The following GFRAL variants were observed in gnomAD, a reference collection of about 807,000 sequenced individuals.
GFRAL encodes the protein GDNF family receptor alpha like.
GFRAL carries 36 observed loss-of-function variants against 45.4 expected under a neutral mutation model. That is an observed-to-expected ratio of 0.79 (90% CI 0.61 to 1.05). The LOEUF is 1.05. Among genes scored for constraint, GFRAL ranks in the 50% least tolerant of loss-of-function variants. The probability of loss-of-function intolerance (pLI) is 0.00; values close to 1 mark genes in which losing one functional copy is unlikely to be tolerated. For missense variants in GFRAL, 507 were observed against 467.5 expected (o/e 1.08, Z -0.78); for synonymous variants, 166 against 154.1 (o/e 1.08, Z -0.57).
chr6:55,368,381 G>T (rs1257917780), intron 6 of GFRAL, among the ~76,000 whole-genome samples: 2 of 150,960 alleles, frequency 1.3e-5, no homozygotes, highest in African/African-American at 2.4e-5. Flanking sequence ...TTTGCCTTTG[G>T]TTTGAATGTC....
In GFRAL at chr6:55,369,253, T is replaced by C. The variant is rs867081076; in HGVS notation, c.952+10115T>C. Among the ~76,000 whole-genome samples the C allele has an allele frequency of 2.0e-5, 3 of 152,348 alleles. No individual in the cohort carries two copies. In the South Asian group the frequency reaches 6.2e-4, roughly 32 times the overall value. ...TCTTTGACTCAGAAAGGGAACTCCC[T>C]GACCCCTTGCGCTTCCCAAGTGAGG... On this transcript the variant is annotated intron_variant, in intron 6 of 8. Transcript: ENST00000340465.
At chr6:55,338,205 C>T (rs114414079) in intron 3 of GFRAL, among the ~76,000 whole-genome samples, 1,989 of 152,128 alleles carry the variant, frequency 0.013, 23 homozygotes, top group Non-Finnish European at 0.022. Flanking sequence ...ATTCCTCTGC[C>T]TCAGCCCCTG....
At chr6:55,393,115 A>G (rs1009936102) in intron 6 of GFRAL, among the ~76,000 whole-genome samples, 2 of 150,804 alleles carry the variant, frequency 1.3e-5, no homozygotes, top group African/African-American at 4.8e-5. Flanking sequence ...AAGATCCTCA[A>G]TGAACATCTT....
chr6:55,373,308 T>A (rs1768478071), intron 6 of GFRAL, among the ~76,000 whole-genome samples: 1 of 152,086 alleles, frequency 6.6e-6, no homozygotes, highest in Non-Finnish European at 1.5e-5. Context: ...ATATCTGAAA[T>A]AGGTTTGGCG....
chr6:55,387,806 T>C (rs1768698801), intron 6 of GFRAL, among the ~76,000 whole-genome samples: 2 of 152,168 alleles, frequency 1.3e-5, no homozygotes, highest in Admixed American at 6.6e-5. Flanking sequence ...AGGCTAAAAG[T>C]TGCAAGAATG....
chr6:55,399,556 A>C, intron 8 of GFRAL, 115 bp downstream of exon 8: 1 of 730,094 alleles, frequency 1.4e-6, no homozygotes, highest in South Asian at 1.7e-5. Flanking sequence ...CTTCTCTGTT[A>C]AGACATATTA....
chr6:55,340,656 G>T (rs1767950837), intron 3 of GFRAL, among the ~76,000 whole-genome samples: 1 of 152,116 alleles, frequency 6.6e-6, no homozygotes, highest in Non-Finnish European at 1.5e-5. Context: ...CATCTCACTG[G>T]GGCTTGTCAG....
chr6:55,370,782 T>C (rs1388987475), intron 6 of GFRAL, among the ~76,000 whole-genome samples: 2 of 152,202 alleles, frequency 1.3e-5, no homozygotes, highest in Non-Finnish European at 2.9e-5. Context: ...GAATCCCAGA[T>C]CTGGGGTTTA....
intron 3 of GFRAL, among the ~76,000 whole-genome samples, chr6:55,345,304 CAG>C: frequency 2.0e-5 from 3 of 152,302 alleles, no homozygotes; most frequent in Non-Finnish European, 2.9e-5. Context: ...TACTACAAGG[CAG>C]TAGTAACCAA....
chr6:55,338,939 A>G (rs1474614430), intron 3 of GFRAL, among the ~76,000 whole-genome samples: 7 of 152,168 alleles, frequency 4.6e-5, no homozygotes, highest in African/African-American at 1.4e-4. Context: ...TCAGTTTCTC[A>G]AAAGTTATCA....
chr6:55,358,871 C>G lies in GFRAL; in HGVS notation c.702-17C>G, dbSNP rs569838063. 6.2e-7 allele frequency: 1 copy of G among 1,607,372 alleles called. No individual in the cohort carries two copies. Among genetic ancestry groups the G allele is most frequent in the Non-Finnish European group, 8.5e-7 (1 of 1,175,678 alleles). Reference sequence around the variant, plus strand: ...ACACTATTCAAAACTAATTATTTTTCTTCACTCTTTCTCTAGGAGGCACTA... The same window carrying G: ...ACACTATTCAAAACTAATTATTTTTGTTCACTCTTTCTCTAGGAGGCACTA... On this transcript the variant is annotated splice_polypyrimidine_tract_variant and intron_variant, in intron 5 of 8. Coordinates refer to ENST00000340465, the MANE Select transcript of GFRAL (RefSeq NM_207410.2).
At chr6:55,347,268 G>A (rs1460593394) in intron 3 of GFRAL, among the ~76,000 whole-genome samples, 1 of 152,070 alleles carries the variant, frequency 6.6e-6, no homozygotes, top group African/African-American at 2.4e-5. Flanking sequence ...CTTTGGAAGC[G>A]AGTAAGATAA....
At chr6:55,333,101 T>A (rs1021931777) in intron 2 of GFRAL, among the ~76,000 whole-genome samples, 1 of 152,162 alleles carries the variant, frequency 6.6e-6, no homozygotes, top group African/African-American at 2.4e-5. Context: ...AATTTCAGTA[T>A]ACAAATAGTC....
At chr6:55,333,699 G>C (rs1399388079) in intron 2 of GFRAL, 87 bp from the exon 3 acceptor site, 16 of 733,004 alleles carry the variant, frequency 2.2e-5, no homozygotes, top group Non-Finnish European at 4.1e-6. Flanking sequence ...TAATTATTCA[G>C]GTTAATATGT....
At chr6:55,369,284 C>T (rs190888834) in intron 6 of GFRAL, among the ~76,000 whole-genome samples, 1 of 152,212 alleles carries the variant, frequency 6.6e-6, no homozygotes, top group African/African-American at 2.4e-5. Flanking sequence ...TGAGGCAATG[C>T]CTCGCCCTGC....
Position 55,402,091 on chromosome 6 carries a change from C to A in GFRAL, c.*238C>A, listed in dbSNP as rs1768907370. 1 of 299,690 alleles carries A rather than the reference C, an allele frequency of 3.3e-6. No individual in the cohort carries two copies. The highest frequency in any genetic ancestry group is 5.8e-6 in the Non-Finnish European group (1 of 173,376). 18.6% of individuals were successfully genotyped at this position (299,690 alleles called of 1,614,324 possible). A position where few individuals can be genotyped will look rare whatever the true frequency, so the allele number is the denominator to read the frequency against. On this transcript the variant is annotated 3_prime_UTR_variant, in exon 9 of 9. Transcript: ENST00000340465. ...TCCAAGGTTCAAGTGATTTTCCTGCCTCAGCCTTCCCGAGTAGCTGGGATT... is the reference window on the plus strand; with the variant it reads ...TCCAAGGTTCAAGTGATTTTCCTGCATCAGCCTTCCCGAGTAGCTGGGATT...
intron 3 of GFRAL, among the ~76,000 whole-genome samples, chr6:55,338,095 T>C (rs1767914381): frequency 6.6e-6 from 1 of 152,132 alleles, no homozygotes; most frequent in Non-Finnish European, 1.5e-5. Context: ...ATTTTATTAT[T>C]ATTATTATAT....
At chr6:55,364,111 C>T (rs1229769390) in intron 6 of GFRAL, among the ~76,000 whole-genome samples, 1 of 147,170 alleles carries the variant, frequency 6.8e-6, no homozygotes, top group South Asian at 2.1e-4. Context: ...TGTTTCCTGC[C>T]TTTTAAATGA....
chr6:55,344,232 CA>C (rs1197227247), intron 3 of GFRAL, among the ~76,000 whole-genome samples: 1 of 151,980 alleles, frequency 6.6e-6, no homozygotes, highest in Non-Finnish European at 1.5e-5. Context: ...AAAGACACAA[CA>C]AAAAAAGAGA....
Sources: gnomAD v4.1 joint callset for allele counts (sites outside exome capture counted in the v4.1 genomes callset) on GRCh38, gnomAD v4.1.1 for gene constraint, MANE v1.5 for transcripts, NCBI Gene and HGNC (gene_info 2026-07-23, HGNC 2026-07-21) for gene names.